RASSF5: variants seen among roughly 807,000 people sequenced by gnomAD.
RASSF5 encodes Ras association domain family member 5.
A neutral mutation model predicts 40.5 loss-of-function variants in RASSF5; 25 were observed. The ratio of observed to expected loss-of-function variants is 0.62; its 90% CI spans 0.45 to 0.86. The LOEUF (loss-of-function observed/expected upper bound fraction) is 0.86, where lower values mean the gene tolerates loss of function less well. Among genes scored for constraint, RASSF5 ranks in the 40% least tolerant of loss-of-function variants. The pLI is 0.00. For synonymous variants in RASSF5, 246 were observed against 252.4 expected (o/e 0.97, Z 0.24); for missense variants, 521 against 572.8 (o/e 0.91, Z 0.92).
At chr1:206,556,295 T>G (rs1300853720) in intron 2 of RASSF5, among the ~76,000 whole-genome samples, 3 of 152,220 alleles carry the variant, frequency 2.0e-5, no homozygotes, top group Non-Finnish European at 4.4e-5. Context: ...CGAGCCTTAC[T>G]TTTCTCATCT....
At chr1:206,558,566 A>C (rs577216178) in intron 2 of RASSF5, among the ~76,000 whole-genome samples, 2 of 152,328 alleles carry the variant, frequency 1.3e-5, no homozygotes, top group Non-Finnish European at 1.5e-5. Flanking sequence ...CTCATCATTA[A>C]TTCAGCAGTG....
At position 206,589,220 on chromosome 1, in the gene RASSF5, A is replaced by G. The variant is rs1669262095; in HGVS notation, c.*2242A>G. The G allele has an allele frequency of 6.5e-6, 1 of 152,732 alleles. No homozygotes were observed. The highest frequency in any genetic ancestry group is 2.1e-4 in the South Asian group (1 of 4,822). 9.5% of individuals were successfully genotyped at this position (152,732 alleles called of 1,614,324 possible). On this transcript the variant is annotated 3_prime_UTR_variant, in exon 6 of 6. Transcript: ENST00000579436. ...TGTTTCCAGGATATTTTCTTTTTAA[A>G]TGTCTTTCTTATATGGGTTTTAAAA...
At chr1:206,516,632 T>G (rs1553395439) in intron 1 of RASSF5, among the ~76,000 whole-genome samples, 1 of 152,150 alleles carries the variant, frequency 6.6e-6, no homozygotes, top group Non-Finnish European at 1.5e-5. Context: ...AATTTTTTTG[T>G]ATTTTTAGTA....
At position 206,586,900 on chromosome 1, in the gene RASSF5, A is replaced by G. The variant is rs1029613389; in HGVS notation, c.1179A>G (p.Gln393=). Residue 393 remains glutamine, a synonymous_variant, in exon 6 of 6, where the codon CAA becomes CAG. Transcript: ENST00000579436. ...ILEKEEQDKI[Q]QVQKKYDKFR... is the part of the protein sequence containing the mutation. ...AAAAAGAGGAGCAGGACAAAATCCA[A>G]CAAGTGCAAAAGAAGTATGACAAGT... 6.2e-7 allele frequency: 1 copy of G among 1,614,230 alleles called. No homozygotes were observed. The highest frequency in any genetic ancestry group is 2.2e-5 in the East Asian group (1 of 44,892).
At chr1:206,582,221 AC>A (rs1553406499) in intron 2 of RASSF5, among the ~76,000 whole-genome samples, 1 of 151,986 alleles carries the variant, frequency 6.6e-6, no homozygotes, top group African/African-American at 2.4e-5. Flanking sequence ...CCCAGAATTC[AC>A]CCCTGTATTG....
At chr1:206,525,189 A>T (rs1485602856) in intron 1 of RASSF5, among the ~76,000 whole-genome samples, 1 of 151,994 alleles carries the variant, frequency 6.6e-6, no homozygotes, top group Admixed American at 6.6e-5. Flanking sequence ...TGTGTTGGAG[A>T]TGGATGATTA....
chr1:206,563,043 T>C (rs2103544250), intron 2 of RASSF5, among the ~76,000 whole-genome samples: 1 of 152,310 alleles, frequency 6.6e-6, no homozygotes, highest in African/African-American at 2.4e-5. Flanking sequence ...AGTCATTGAA[T>C]ATAATCAGAG....
In RASSF5 at chr1:206,587,257, A is replaced by ACCGAGATCTAC; in HGVS notation, c.*279_*280insCCGAGATCTAC. 2.5e-6 allele frequency: 1 copy of ACCGAGATCTAC among 403,850 alleles called. No individual in the cohort carries two copies. The highest frequency in any genetic ancestry group is 2.2e-5 in the South Asian group (1 of 45,568). The allele number at this position is 403,850 out of a possible 1,614,324, so 25.0% of individuals were successfully genotyped here. A position where few individuals can be genotyped will look rare whatever the true frequency, so the allele number is the denominator to read the frequency against. ...TCTCTCGATCTGCAAGCCTTTCACC[A>ACCGAGATCTAC]ACCAAATAGTTGCCTCTCTCGTCAC... On this transcript the variant is annotated 3_prime_UTR_variant, in exon 6 of 6. Transcript: ENST00000579436.
At chr1:206,557,803 A>G (rs1031851824) in intron 2 of RASSF5, 7 of 1,269,020 alleles carry the variant, frequency 5.5e-6, no homozygotes, top group Non-Finnish European at 7.8e-6. Context: ...ACATGTCAGG[A>G]AAGTGGCCAG....
intron 1 of RASSF5, chr1:206,518,485 C>G: frequency 2.5e-6 from 1 of 398,658 alleles, no homozygotes; most frequent in Non-Finnish European, 4.4e-6. Flanking sequence ...AAGAGCCGCT[C>G]GGTCTCCAAA....
chr1:206,560,851 C>T lies in RASSF5; in HGVS notation c.580-22418C>T, dbSNP rs1047598370. 6.6e-6 allele frequency among the ~76,000 whole-genome samples: 1 copy of T among 152,214 alleles called. No homozygotes were observed. The highest frequency in any genetic ancestry group is 6.5e-5 in the Admixed American group (1 of 15,286). On this transcript the variant is annotated intron_variant, in intron 2 of 5. Coordinates refer to ENST00000579436, the MANE Select transcript of RASSF5 (RefSeq NM_182663.4). This position sits in a 1 kb window ranked among gnomAD's most constrained non-coding sequence, Gnocchi z 5.1. Reference sequence around the variant, plus strand: ...CAGAGAATTTTCTTCCTTAGTCCCACAAAAGATAGGGTTTGGTGATTTGTA... The same window carrying T: ...CAGAGAATTTTCTTCCTTAGTCCCATAAAAGATAGGGTTTGGTGATTTGTA...
At chr1:206,532,058 G>GAA (rs11378863) in intron 1 of RASSF5, among the ~76,000 whole-genome samples, 4,607 of 150,064 alleles carry the variant, frequency 0.031, 81 homozygotes, top group Non-Finnish European at 0.035. Flanking sequence ...TCTCAAAAAA[G>GAA]AAAAAAAAAA....
rs1489044078 is a variant in RASSF5, at chr1:206,579,983, T to C, written c.580-3286T>C. The stretch of plus-strand genomic sequence containing the variant: ...TTCCATGGCTGTGACATTCGTAGTG[T>C]TGGCTACACACGGGGCTCCTGGCAC... On this transcript the variant is annotated intron_variant, in intron 2 of 5. Coordinates refer to ENST00000579436, the MANE Select transcript of RASSF5 (RefSeq NM_182663.4). This position sits in a 1 kb window ranked among gnomAD's most constrained non-coding sequence, Gnocchi z 4.2. 2.0e-5 allele frequency among the ~76,000 whole-genome samples: 3 copies of C among 152,316 alleles called. No individual in the cohort carries two copies. Among genetic ancestry groups the C allele is most frequent in the East Asian group, 3.9e-4 (2 of 5,190 alleles).
At chr1:206,529,763 TTC>T in intron 1 of RASSF5, 1 of 426,296 alleles carries the variant, frequency 2.3e-6, no homozygotes, top group Non-Finnish European at 4.1e-6. Flanking sequence ...CAATTTTTCC[TTC>T]AAAAAAAAAA....
chr1:206,584,318 C>G lies in RASSF5; in HGVS notation c.691-69C>G. On this transcript the variant is annotated intron_variant, in intron 3 of 5. Transcript: ENST00000579436. The surrounding 1 kb of genome is among the most constrained non-coding windows in gnomAD (Gnocchi z 4.9). The stretch of plus-strand genomic sequence containing the variant: ...CAGGTGGGTGCTGCTGGGGCAATGG[C>G]CCCGAGTGGCAGATATGATCATGCA... 2.7e-6 allele frequency: 4 copies of G among 1,477,736 alleles called. No individual in the cohort carries two copies. In the South Asian group the frequency reaches 3.9e-5, roughly 14 times the overall value. The allele number at this position is 1,477,736 out of a possible 1,614,324, so 91.5% of individuals were successfully genotyped here.
chr1:206,507,617 C>T lies in RASSF5; in HGVS notation c.15C>T (p.Ser5=). The T allele has an allele frequency of 6.6e-7, 1 of 1,522,182 alleles. No homozygotes were observed. The highest frequency in any genetic ancestry group is 8.8e-7 in the Non-Finnish European group (1 of 1,141,486). The allele number at this position is 1,522,182 out of a possible 1,614,324, so 94.3% of individuals were successfully genotyped here. A position where few individuals can be genotyped will look rare whatever the true frequency, so the allele number is the denominator to read the frequency against. The change falls in exon 1 of 6, where the codon TCC becomes TCT. Residue 5 remains serine, a synonymous_variant. Coordinates refer to ENST00000579436, the MANE Select transcript of RASSF5 (RefSeq NM_182663.4). ...ACTAGCCGGGCATGGCCATGGCGTC[C>T]CCGGCCATCGGGCAGCGCCCGTACC... MAMA[S]PAIGQRPYPL...
In RASSF5 at chr1:206,509,587, A is replaced by G. The variant is rs1025007466; in HGVS notation, c.457+1528A>G. On this transcript the variant is annotated intron_variant, in intron 1 of 5. Coordinates refer to ENST00000579436, the MANE Select transcript of RASSF5 (RefSeq NM_182663.4). ...ATCCAACAACCCTACACACAGGGAG[A>G]GAGGCAGGAGCCTCACTGAAATGGG... 2.0e-5 allele frequency among the ~76,000 whole-genome samples: 3 copies of G among 152,316 alleles called. No homozygotes were observed. The East Asian group carries it at 5.8e-4, about 29-fold the overall frequency.
At chr1:206,564,950 C>A (rs148135451) in intron 2 of RASSF5, among the ~76,000 whole-genome samples, 60 of 152,246 alleles carry the variant, frequency 3.9e-4, no homozygotes, top group African/African-American at 1.4e-3. Flanking sequence ...GGCTCATCTC[C>A]CCTCTTCTCC....
At chr1:206,572,897 G>C (rs1414359298) in intron 2 of RASSF5, among the ~76,000 whole-genome samples, 2 of 152,306 alleles carry the variant, frequency 1.3e-5, no homozygotes, top group African/African-American at 4.8e-5. Context: ...GGCCTTGGCT[G>C]AAGGGCCTAT....
Sources: allele counts gnomAD v4.1 joint callset (sites outside exome capture counted in the v4.1 genomes callset), GRCh38; gene constraint gnomAD v4.1.1; non-coding constraint Gnocchi (gnomAD v3.1); transcripts MANE v1.5; gene names NCBI Gene and HGNC (gene_info 2026-07-23, HGNC 2026-07-21).